CTNNA2: variants seen among roughly 807,000 people sequenced by gnomAD.
CTNNA2 encodes the protein catenin alpha 2.
In CTNNA2, 42 loss-of-function variants were observed where a neutral mutation model predicts 101.0. That is an observed-to-expected ratio of 0.42 (90% CI 0.32 to 0.54). CTNNA2 has a LOEUF of 0.54. Ranked by LOEUF, CTNNA2 falls within the 20% of genes least tolerant of loss-of-function variation. The pLI, the probability that CTNNA2 is intolerant of heterozygous loss-of-function variation, is 0.14. For missense variants in CTNNA2, 871 were observed against 1,223.1 expected, an observed-to-expected ratio of 0.71 and a Z score of 4.29; for synonymous variants, 450 against 456.4, an observed-to-expected ratio of 0.99 and a Z score of 0.18.
At chr2:80,122,563 A>G (rs1351142335) in intron 7 of CTNNA2, among the ~76,000 whole-genome samples, 1 of 152,070 alleles carries the variant, frequency 6.6e-6, no homozygotes, top group African/African-American at 2.4e-5. Context: ...GATCTGTTTT[A>G]CGTATTGGTT....
chr2:79,984,766 C>G (rs193232254), intron 7 of CTNNA2, among the ~76,000 whole-genome samples: 1 of 152,196 alleles, frequency 6.6e-6, no homozygotes, highest in African/African-American at 2.4e-5. Flanking sequence ...CTTCTGCCTC[C>G]TACCTCCTTT....
chr2:79,955,854 A>G (rs10185018), intron 7 of CTNNA2, among the ~76,000 whole-genome samples: 28,929 of 152,094 alleles, frequency 0.19, 3,163 homozygotes, highest in Middle Eastern at 0.36. Flanking sequence ...GGCTGCTCCC[A>G]TGGACATCAC....
At chr2:80,323,072 C>T (rs1234473516) in intron 7 of CTNNA2, among the ~76,000 whole-genome samples, 2 of 152,198 alleles carry the variant, frequency 1.3e-5, no homozygotes, top group Non-Finnish European at 2.9e-5. Context: ...CCCCAGGTGC[C>T]CTGTCTCTGA....
chr2:79,591,347 C>T (rs571804131), intron 1 of CTNNA2, among the ~76,000 whole-genome samples: 1 of 152,180 alleles, frequency 6.6e-6, no homozygotes, highest in South Asian at 2.1e-4. Flanking sequence ...CATTTTAAAC[C>T]ATGACCTTGA....
chr2:80,320,606 C>T (rs1373410058), intron 7 of CTNNA2, among the ~76,000 whole-genome samples: 1 of 152,110 alleles, frequency 6.6e-6, no homozygotes, highest in Non-Finnish European at 1.5e-5. Flanking sequence ...AGAGAGGCAA[C>T]CTTAAAAATT....
chr2:79,965,566 G>A (rs778266256), intron 7 of CTNNA2, among the ~76,000 whole-genome samples: 1 of 152,188 alleles, frequency 6.6e-6, no homozygotes, highest in East Asian at 1.9e-4. Context: ...GTTCACACCT[G>A]TAATCCCAGC....
intron 8 of CTNNA2, among the ~76,000 whole-genome samples, chr2:80,399,303 C>T (rs1678340995): frequency 6.6e-6 from 1 of 152,166 alleles, no homozygotes; most frequent in Non-Finnish European, 1.5e-5. Flanking sequence ...GTCCAAAGTA[C>T]ATTATTTCAT....
chr2:80,517,839 T>C (rs1235800332), intron 9 of CTNNA2, among the ~76,000 whole-genome samples: 1 of 152,232 alleles, frequency 6.6e-6, no homozygotes, highest in Non-Finnish European at 1.5e-5. Flanking sequence ...CTAAACTTGG[T>C]CTGCATGATT....
At chr2:79,660,507 A>G (rs1681960960) in intron 2 of CTNNA2, among the ~76,000 whole-genome samples, 2 of 151,974 alleles carry the variant, frequency 1.3e-5, no homozygotes, top group Admixed American at 6.6e-5. Context: ...TTTTATAAAT[A>G]TGGTTTTGTA....
At chr2:80,515,119 T>C (rs1689008999) in intron 9 of CTNNA2, among the ~76,000 whole-genome samples, 1 of 151,994 alleles carries the variant, frequency 6.6e-6, no homozygotes, top group Admixed American at 6.6e-5. Context: ...ATGGATCTTA[T>C]GGTACCAACA....
chr2:79,630,961 C>T (rs527894512), intron 1 of CTNNA2, among the ~76,000 whole-genome samples: 1 of 150,440 alleles, frequency 6.6e-6, no homozygotes, highest in African/African-American at 2.5e-5. Flanking sequence ...ACAATTTCCA[C>T]TTCTTCACTG....
At chr2:79,282,462 G>A (rs1364173088) in intron 2 of CTNNA2, among the ~76,000 whole-genome samples, 6 of 151,522 alleles carry the variant, frequency 4.0e-5, no homozygotes, top group East Asian at 2.0e-4. Context: ...CTGTGTCCAC[G>A]TGTTCTCATT....
chr2:80,526,432 T>C (rs1690039011), intron 9 of CTNNA2, among the ~76,000 whole-genome samples: 3 of 152,020 alleles, frequency 2.0e-5, no homozygotes, highest in African/African-American at 4.8e-5. Flanking sequence ...ACTCCTGACC[T>C]TGTGATCCGC....
chr2:79,305,907 A>G (rs1676229673), intron 2 of CTNNA2, among the ~76,000 whole-genome samples: 1 of 151,960 alleles, frequency 6.6e-6, no homozygotes, highest in Non-Finnish European at 1.5e-5. Flanking sequence ...TTAGCTGGGC[A>G]TGGTGGCGGG....
chr2:79,966,651 A>G (rs1480949212), intron 7 of CTNNA2, among the ~76,000 whole-genome samples: 1 of 152,220 alleles, frequency 6.6e-6, no homozygotes, highest in Non-Finnish European at 1.5e-5. Flanking sequence ...GAAGGCAGCC[A>G]ATGAAGAGAT....
chr2:79,957,728 C>T (rs1689338951), intron 7 of CTNNA2, among the ~76,000 whole-genome samples: 1 of 152,186 alleles, frequency 6.6e-6, no homozygotes, highest in Admixed American at 6.5e-5. Flanking sequence ...TGTCTCATCC[C>T]AGTAACTAGT....
At chr2:79,542,022 T>C (rs1312554145) in intron 1 of CTNNA2, among the ~76,000 whole-genome samples, 4 of 152,186 alleles carry the variant, frequency 2.6e-5, no homozygotes. Context: ...CTGAGAGCTT[T>C]CTGGCCTTAT....
chr2:79,566,454 T>A (rs1258674350), intron 1 of CTNNA2, among the ~76,000 whole-genome samples: 1 of 152,198 alleles, frequency 6.6e-6, no homozygotes, highest in East Asian at 1.9e-4. Flanking sequence ...ATTTTTTTAA[T>A]GTTGCCAAAC....
chr2:79,739,200 C>G (rs1327637143), intron 2 of CTNNA2, among the ~76,000 whole-genome samples: 1 of 151,586 alleles, frequency 6.6e-6, no homozygotes, highest in Non-Finnish European at 1.5e-5. Context: ...TAGAGAGAAT[C>G]CCTGGTTGGG....
Sources: gnomAD v4.1 joint callset for allele counts (sites outside exome capture counted in the v4.1 genomes callset) on GRCh38, gnomAD v4.1.1 for gene constraint, MANE v1.5 for transcripts, NCBI Gene and HGNC (gene_info 2026-07-23, HGNC 2026-07-21) for gene names.